The following SHROOM3 variants were observed in gnomAD, a reference collection of about 807,000 sequenced individuals.
SHROOM3 encodes protein Shroom3.
In SHROOM3, 47 loss-of-function variants were observed where a neutral mutation model predicts 138.6. That is an observed-to-expected ratio of 0.34 (90% confidence interval 0.27 to 0.43). The LOEUF is 0.43. Among genes scored for constraint, SHROOM3 ranks in the 20% least tolerant of loss-of-function variants. SHROOM3 has a pLI of 1.00. For synonymous variants in SHROOM3, 1,062 were observed against 1,063.3 expected, an observed-to-expected ratio of 1.00 and a Z score of 0.02; for missense variants, 2,491 against 2,596.5, an observed-to-expected ratio of 0.96 and a Z score of 0.88.
intron 1 of SHROOM3, among the ~76,000 whole-genome samples, chr4:76,464,154 G>C (rs537860460): frequency 6.6e-6 from 1 of 152,336 alleles, no homozygotes; most frequent in African/African-American, 2.4e-5. Context: ...GCAGCTGTGG[G>C]GGCCATAACC....
chr4:76,774,931 GATTTTC>G lies in SHROOM3; in HGVS notation c.5623-3872_5623-3867del, dbSNP rs527260182. Among the ~76,000 whole-genome samples, 47 of 151,820 alleles carry G rather than the reference GATTTTC, an allele frequency of 3.1e-4. 1 individual carries two copies. The South Asian group carries it at 5.8e-3, about 19-fold the overall frequency. ...ACTTAAGTGATCTTATTTCTTGATT[GATTTTC>G]ATTTTAATTTTCCACAATCACTTTT... On this transcript the variant is annotated intron_variant, in intron 10 of 10. Transcript: ENST00000296043.
At chr4:76,576,555 G>A (rs552192421) in intron 2 of SHROOM3, among the ~76,000 whole-genome samples, 1 of 152,088 alleles carries the variant, frequency 6.6e-6, no homozygotes, top group Non-Finnish European at 1.5e-5. Context: ...ATACAAAAAG[G>A]TAGGATGACT....
chr4:76,593,432 G>C (rs1294762790), intron 2 of SHROOM3, among the ~76,000 whole-genome samples: 1 of 152,206 alleles, frequency 6.6e-6, no homozygotes, highest in Non-Finnish European at 1.5e-5. Context: ...AAAGAACACA[G>C]ATGATATAAT....
intron 1 of SHROOM3, among the ~76,000 whole-genome samples, chr4:76,448,722 G>A (rs1014093606): frequency 3.3e-5 from 5 of 152,104 alleles, no homozygotes; most frequent in Admixed American, 3.3e-4. Flanking sequence ...ACTTGCATTT[G>A]AAGTCTTGTC....
chr4:76,685,995 GAAGT>G (rs1462337741), intron 2 of SHROOM3, among the ~76,000 whole-genome samples: 1 of 143,502 alleles, frequency 7.0e-6, no homozygotes, highest in Non-Finnish European at 1.5e-5. Flanking sequence ...AGAAAGTATA[GAAGT>G]AAGTAATGAT....
chr4:76,611,529 G>A (rs943018110), intron 2 of SHROOM3, among the ~76,000 whole-genome samples: 1 of 152,042 alleles, frequency 6.6e-6, no homozygotes, highest in African/African-American at 2.4e-5. Flanking sequence ...GGATGCTAAA[G>A]GGGCATCCTG....
At chr4:76,645,113 A>T (rs899002109) in intron 2 of SHROOM3, among the ~76,000 whole-genome samples, 3 of 152,174 alleles carry the variant, frequency 2.0e-5, no homozygotes, top group Non-Finnish European at 4.4e-5. Context: ...CTGTCTCTTT[A>T]TCTCTTTTAC....
rs765190647 is a variant in SHROOM3 at position 76,739,444 on chromosome 4, A to G, written c.1271A>G (p.Lys424Arg). ...RPQANSLGSL[K>R]SPFIEEQLHT... ...CAGGCAAACTCTTTAGGCTCCCTGA[A>G]GTCTCCATTCATAGAGGAGCAGCTG... The change falls in exon 5 of 11, where the codon AAG (lysine) becomes AGG (arginine). Residue 424 changes from lysine (K) to arginine (R), a missense_variant. Lys to Arg is a conservative substitution (Grantham distance 26). Transcript: ENST00000296043. 1.3e-5 allele frequency: 21 copies of G among 1,614,198 alleles called. No homozygotes were observed. In the South Asian group the frequency reaches 2.2e-4, roughly 17 times the overall value.
chr4:76,608,728 CAGCATAGCAT>C lies in SHROOM3; in HGVS notation c.323+52975_323+52984del, dbSNP rs201721082. ...CAGCACAGCACAGCACAGCACAGCACAGCATAGCATAGCATAGCACAGTGTCAGGTTAGAA... is the reference window on the plus strand; with the variant it reads ...CAGCACAGCACAGCACAGCACAGCACAGCATAGCACAGTGTCAGGTTAGAA... On this transcript the variant is annotated intron_variant, in intron 2 of 10. Coordinates refer to ENST00000296043, the MANE Select transcript of SHROOM3 (RefSeq NM_020859.4). Among the ~76,000 whole-genome samples the C allele has an allele frequency of 3.7e-4, 20 of 54,128 alleles. 1 individual carries two copies. The highest frequency in any genetic ancestry group is 7.9e-3 in the Middle Eastern group (1 of 126). 35.5% of individuals were successfully genotyped at this position (54,128 alleles called of 152,430 possible).
intron 2 of SHROOM3, chr4:76,688,828 T>C (rs1478212561): frequency 1.0e-6 from 1 of 985,374 alleles, no homozygotes; most frequent in East Asian, 1.1e-4. Flanking sequence ...TCAGAGACGA[T>C]GCTTATGGAA....
At chr4:76,632,124 G>A (rs1264005695) in intron 2 of SHROOM3, among the ~76,000 whole-genome samples, 1 of 152,186 alleles carries the variant, frequency 6.6e-6, no homozygotes, top group Non-Finnish European at 1.5e-5. Context: ...GCAGAATTCA[G>A]AGTTCTATTT....
intron 2 of SHROOM3, among the ~76,000 whole-genome samples, chr4:76,636,366 T>A (rs1735494710): frequency 6.6e-6 from 1 of 152,214 alleles, no homozygotes; most frequent in Non-Finnish European, 1.5e-5. Flanking sequence ...AAGAAGTTGG[T>A]AATTATTTAA....
At chr4:76,748,541 C>A (rs1277890187) in intron 5 of SHROOM3, among the ~76,000 whole-genome samples, 1 of 152,200 alleles carries the variant, frequency 6.6e-6, no homozygotes, top group Non-Finnish European at 1.5e-5. Flanking sequence ...CACCCGATTA[C>A]AATCCAAATT....
At chr4:76,486,647 C>T (rs576083392) in intron 1 of SHROOM3, among the ~76,000 whole-genome samples, 34 of 152,292 alleles carry the variant, frequency 2.2e-4, no homozygotes, top group Non-Finnish European at 4.1e-4. Context: ...CAGGACCACC[C>T]TGTGTGGACA....
In SHROOM3 at chr4:76,754,464, T is replaced by C. The variant is rs1222238269; in HGVS notation, c.3981T>C (p.Ser1327=). ...CCCTGGACCATCAGAGGCAAGCCAG[T>C]AGGACACCCTGCCCCAGGCCACCAC... ...PGTLDHQRQA[S]RTPCPRPPLA... The change falls in exon 7 of 11, where the codon AGT becomes AGC. Residue 1327 remains serine (S), a synonymous_variant. Transcript: ENST00000296043. The C allele has an allele frequency of 5.6e-6, 9 of 1,613,988 alleles. No individual in the cohort carries two copies. The highest frequency in any genetic ancestry group is 7.6e-6 in the Non-Finnish European group (9 of 1,180,002).
chr4:76,740,597 C>T lies in SHROOM3; in HGVS notation c.2424C>T (p.Asn808=). 1 of 1,614,170 alleles carries T rather than the reference C, an allele frequency of 6.2e-7. No individual in the cohort carries two copies. The highest frequency in any genetic ancestry group is 8.5e-7 in the Non-Finnish European group (1 of 1,180,040). The part of the protein sequence containing the change: ...PSVGGSGFGH[N]YRPHRTVSTS... ...TGGGCGGCTCTGGTTTTGGCCATAACTATAGGCCCCACAGGACCGTCTCAA... is the reference window on the plus strand; with the variant it reads ...TGGGCGGCTCTGGTTTTGGCCATAATTATAGGCCCCACAGGACCGTCTCAA... Residue 808 remains asparagine (N), a synonymous_variant, in exon 5 of 11, where the codon AAC becomes AAT. Coordinates refer to ENST00000296043, the MANE Select transcript of SHROOM3 (RefSeq NM_020859.4). The surrounding 1 kb of genome is among the most constrained non-coding windows in gnomAD (Gnocchi z 4.0).
chr4:76,733,828 G>C (rs187587059), intron 4 of SHROOM3, among the ~76,000 whole-genome samples: 1 of 151,782 alleles, frequency 6.6e-6, no homozygotes, highest in African/African-American at 2.4e-5. Context: ...AGTGAGGTGA[G>C]AGAGAGAGAG....
chr4:76,441,148 GCA>G (rs2109963815), intron 1 of SHROOM3, among the ~76,000 whole-genome samples: 1 of 134,544 alleles, frequency 7.4e-6, no homozygotes, highest in South Asian at 2.4e-4. Context: ...GGAGTGCAGT[GCA>G]GTGGCGCGAT....
At chr4:76,687,710 G>A (rs1348528577) in intron 2 of SHROOM3, among the ~76,000 whole-genome samples, 1 of 152,182 alleles carries the variant, frequency 6.6e-6, no homozygotes, top group Non-Finnish European at 1.5e-5. Context: ...ATGTTACAAA[G>A]GAAGCCCAGG....
Sources: allele counts gnomAD v4.1 joint callset (sites outside exome capture counted in the v4.1 genomes callset), GRCh38; gene constraint gnomAD v4.1.1; non-coding constraint Gnocchi (gnomAD v3.1); transcripts MANE v1.5; gene names NCBI Gene and HGNC (gene_info 2026-07-23, HGNC 2026-07-21).